The following UMODL1 variants were observed in gnomAD, a reference collection of about 807,000 sequenced individuals.
UMODL1 encodes the protein uromodulin like 1.
In UMODL1, 128 loss-of-function variants were observed where a neutral mutation model predicts 136.3. That is an observed-to-expected ratio of 0.94 (90% CI 0.81 to 1.09). The LOEUF is 1.09. Ranked by LOEUF, UMODL1 falls within the 50% of genes least tolerant of loss-of-function variation. The pLI is 0.00. For synonymous variants in UMODL1, 721 were observed against 720.0 expected (o/e 1.00, Z -0.02); for missense variants, 1,766 against 1,725.6 (o/e 1.02, Z -0.41).
intron 13 of UMODL1, among the ~76,000 whole-genome samples, chr21:42,114,437 A>G (rs1289620443): frequency 6.6e-6 from 1 of 152,234 alleles, no homozygotes; most frequent in African/African-American, 2.4e-5. Context: ...TGGGTAGTCA[A>G]GAGCGTGTCT....
chr21:42,126,855 C>A (rs964205428), intron 18 of UMODL1, 151 bp from the exon 19 acceptor site: 27 of 754,006 alleles, frequency 3.6e-5, no homozygotes, highest in Non-Finnish European at 5.5e-5. Context: ...GAATAAATGG[C>A]CTCCAAGTGC....
rs1261526591 is a variant in UMODL1 at position 42,126,416 on chromosome 21, G to A, written c.3219G>A (p.Leu1073=). Residue 1073 remains leucine (L), a synonymous_variant, in exon 18 of 23, where the codon CTG becomes CTA. Transcript: ENST00000408910. ...CCCAGGAGGGCATCATCCACCACCT[G>A]AAGATCCTGAGCCCCATCTACTGCG... ...DLSQEGIIHH[L]KILSPIYCAF... is the part of the protein sequence containing the mutation. 1 of 1,614,214 alleles carries A rather than the reference G, an allele frequency of 6.2e-7. No homozygotes were observed. The highest frequency in any genetic ancestry group is 1.1e-5 in the South Asian group (1 of 91,086).
At position 42,127,002 on chromosome 21, in the gene UMODL1, G is replaced by T. The variant is rs770686636; in HGVS notation, c.3294-4G>T. The T allele has an allele frequency of 6.8e-6, 11 of 1,613,322 alleles. No homozygotes were observed. The Middle Eastern group carries it at 1.2e-3, about 169-fold the overall frequency. The stretch of plus-strand genomic sequence containing the variant: ...TGCCTCCTGCAAGCTGCTTCCTCTT[G>T]CAGGGTTTACACCATCATCGAGGAC... On this transcript the variant is annotated splice_polypyrimidine_tract_variant and splice_region_variant and intron_variant, in intron 18 of 22. Transcript: ENST00000408910.
intron 21 of UMODL1, among the ~76,000 whole-genome samples, chr21:42,136,989 C>G (rs1975775): frequency 2.0e-5 from 3 of 152,082 alleles, no homozygotes; most frequent in Non-Finnish European, 4.4e-5. Context: ...ATCTCTTGAC[C>G]TTGTGACCCG....
At chr21:42,073,414 A>G (rs2066254176) in intron 1 of UMODL1, among the ~76,000 whole-genome samples, 1 of 152,118 alleles carries the variant, frequency 6.6e-6, no homozygotes, top group African/African-American at 2.4e-5. Context: ...TGCAGAGCTC[A>G]CAGTAACTAC....
At chr21:42,072,556 C>G (rs926232230) in intron 1 of UMODL1, among the ~76,000 whole-genome samples, 2 of 152,178 alleles carry the variant, frequency 1.3e-5, no homozygotes, top group African/African-American at 4.8e-5. Context: ...TATGAGGACA[C>G]GGGGCAGAAC....
In UMODL1 at chr21:42,127,073, G is replaced by A. The variant is rs769546147; in HGVS notation, c.3361G>A (p.Gly1121Arg). 36 of 1,614,026 alleles carry A rather than the reference G, an allele frequency of 2.2e-5. No individual in the cohort carries two copies. The highest frequency in any genetic ancestry group is 2.5e-5 in the Non-Finnish European group (29 of 1,180,060). The change falls in exon 19 of 23, where the codon GGA becomes AGA. Residue 1121 changes from glycine to arginine, a missense_variant. Transcript: ENST00000408910. Reference protein sequence around the residue: ...NFVTEMQLFIGDSPIPQNYSV... With the variant: ...NFVTEMQLFIRDSPIPQNYSV... Reference sequence around the variant, plus strand: ...TGTTACCGAAATGCAGTTGTTTATCGGAGACTCTCCCATACCTCAGAATTA... The same window carrying A: ...TGTTACCGAAATGCAGTTGTTTATCAGAGACTCTCCCATACCTCAGAATTA...
At chr21:42,076,290 G>A (rs374968270) in intron 2 of UMODL1, 43 bp downstream of exon 2, 118 of 1,607,680 alleles carry the variant, frequency 7.3e-5, no homozygotes, top group African/African-American at 4.7e-4. Flanking sequence ...CACCCTTGCC[G>A]TCGAGACGCC....
In UMODL1 at chr21:42,099,271, A is replaced by C; in HGVS notation, c.1186+91A>C. 6.6e-7 allele frequency: 1 copy of C among 1,512,486 alleles called. No individual in the cohort carries two copies. Among genetic ancestry groups the C allele is most frequent in the African/African-American group, 1.4e-5 (1 of 72,532 alleles). 93.7% of individuals were successfully genotyped at this position (1,512,486 alleles called of 1,614,324 possible). On this transcript the variant is annotated intron_variant, in intron 7 of 22. Transcript: ENST00000408910. The surrounding 1 kb of genome is among the most constrained non-coding windows in gnomAD (Gnocchi z 4.1). ...CCTAGCATGTCGCGTTCTTCTTCCT[A>C]TAACCAGGGCACCAGAAGTCACTGA...
chr21:42,128,503 G>T (rs2067092314), intron 20 of UMODL1, among the ~76,000 whole-genome samples: 1 of 132,952 alleles, frequency 7.5e-6, no homozygotes. Context: ...TCTCATCTGA[G>T]CTGTTTTCCT....
At position 42,115,973 on chromosome 21, in the gene UMODL1, A is replaced by G. The variant is rs367924967; in HGVS notation, c.2463A>G (p.Leu821=). 1.1e-5 allele frequency: 17 copies of G among 1,612,478 alleles called. No homozygotes were observed. In the African/African-American group the frequency reaches 2.1e-4, roughly 20 times the overall value. Residue 821 remains leucine (L), a synonymous_variant, in exon 14 of 23, where the codon CTA becomes CTG. Transcript: ENST00000408910. ...SSQEYRDFLE[L]FFRMVRGSLP... Reference sequence around the variant, plus strand: ...AGGAGTATCGAGATTTCCTAGAACTATTCTTCAGGATGGTGAGTTGGTGAT... The same window carrying G: ...AGGAGTATCGAGATTTCCTAGAACTGTTCTTCAGGATGGTGAGTTGGTGAT...
In UMODL1 at chr21:42,122,839, C is replaced by G; in HGVS notation, c.2836C>G (p.Pro946Ala). ...YSERPCEGDS[P>A]GNETWATSPE... Reference sequence around the variant, plus strand: ...CTCCTTGTGCCTTGCAGGTGACTCTCCTGGCAATGAAACCTGGGCCACCAG... The same window carrying G: ...CTCCTTGTGCCTTGCAGGTGACTCTGCTGGCAATGAAACCTGGGCCACCAG... Residue 946 changes from proline to alanine, a missense_variant, in exon 17 of 23, where the codon CCT becomes GCT. By Grantham distance (27) the Pro-to-Ala change is conservative. Transcript: ENST00000408910. This position sits in a 1 kb window ranked among gnomAD's most constrained non-coding sequence, Gnocchi z 4.3. The G allele has an allele frequency of 6.3e-7, 1 of 1,596,392 alleles. No homozygotes were observed. The highest frequency in any genetic ancestry group is 8.6e-7 in the Non-Finnish European group (1 of 1,168,610).
In UMODL1 at chr21:42,102,193, A is replaced by G. The variant is rs1372251602; in HGVS notation, c.1214A>G (p.Lys405Arg). The G allele has an allele frequency of 1.2e-6, 2 of 1,613,688 alleles. No homozygotes were observed. The highest frequency in any genetic ancestry group is 1.7e-6 in the Non-Finnish European group (2 of 1,179,738). Residue 405 changes from lysine to arginine, a missense_variant, in exon 8 of 23, where the codon AAG (lysine) becomes AGG (arginine). Lys to Arg is a conservative substitution (Grantham distance 26). Coordinates refer to ENST00000408910, the MANE Select transcript of UMODL1 (RefSeq NM_001004416.3). ...TNAQVFEVTI[K>R]IVNHNLTEKL... ...GCCCAGGTATTTGAAGTCACAATAA[A>G]GATTGTAAACCACAACCTGACGGAG... is the stretch of plus-strand genomic sequence containing the variant.
At chr21:42,073,039 TGTGTGC>T (rs944676351) in intron 1 of UMODL1, among the ~76,000 whole-genome samples, 2 of 152,050 alleles carry the variant, frequency 1.3e-5, no homozygotes, top group African/African-American at 4.8e-5. Context: ...CGCGTGTGTG[TGTGTGC>T]GTGTGCGCAT....
chr21:42,119,586 T>C (rs1202323533), intron 15 of UMODL1, among the ~76,000 whole-genome samples: 1 of 152,212 alleles, frequency 6.6e-6, no homozygotes, highest in East Asian at 1.9e-4. Flanking sequence ...CCGGGTCGAC[T>C]GCCCCCTCGC....
chr21:42,093,999 C>T (rs1166112623), intron 6 of UMODL1: 2 of 454,758 alleles, frequency 4.4e-6, no homozygotes, highest in East Asian at 7.0e-5. Flanking sequence ...CTGTCCCTTT[C>T]GTGAGCACAG....
At chr21:42,103,324 T>G in intron 8 of UMODL1, 1 of 213,222 alleles carries the variant, frequency 4.7e-6, no homozygotes. Context: ...CCTTTTGAAA[T>G]GTTAACTCAC....
rs759817767 is a variant in UMODL1 at position 42,103,999 on chromosome 21, C to T, written c.1431C>T (p.Pro477=). 29 of 1,613,910 alleles carry T rather than the reference C, an allele frequency of 1.8e-5. No homozygotes were observed. In the East Asian group the frequency reaches 6.2e-4, roughly 35 times the overall value. The change falls in exon 9 of 23, where the codon CCC becomes CCT. Residue 477 remains proline, a synonymous_variant. Transcript: ENST00000408910. The part of the protein sequence containing the change: ...LKLTVQDPGF[P]MGISTLAPIL... Reference sequence around the variant, plus strand: ...TCACCGTGCAGGACCCCGGGTTTCCCATGGGCATCTCCACGCTGGCCCCCA... The same window carrying T: ...TCACCGTGCAGGACCCCGGGTTTCCTATGGGCATCTCCACGCTGGCCCCCA...
At chr21:42,131,942 A>G (rs571497463) in intron 21 of UMODL1, among the ~76,000 whole-genome samples, 2 of 152,338 alleles carry the variant, frequency 1.3e-5, no homozygotes, top group South Asian at 4.1e-4. Context: ...ATTAATAGAT[A>G]ATGTGTTCTT....
Sources: gnomAD v4.1 joint callset for allele counts (sites outside exome capture counted in the v4.1 genomes callset) on GRCh38, gnomAD v4.1.1 for gene constraint, Gnocchi (gnomAD v3.1) non-coding constraint, MANE v1.5 for transcripts, NCBI Gene and HGNC (gene_info 2026-07-23, HGNC 2026-07-21) for gene names.